The following LRRC4C variants were observed in gnomAD, a reference collection of about 807,000 sequenced individuals.
LRRC4C encodes the protein leucine rich repeat containing 4C.
A neutral mutation model predicts 33.6 loss-of-function variants in LRRC4C; 5 were observed. That is an observed-to-expected ratio of 0.15 (90% CI 0.08 to 0.31). The LOEUF (loss-of-function observed/expected upper bound fraction) is 0.31, where lower values mean the gene tolerates loss of function less well. LRRC4C is among the 10% of genes least tolerant of loss of function. LRRC4C has a pLI of 1.00. For synonymous variants in LRRC4C, 329 were observed against 302.0 expected, an observed-to-expected ratio of 1.09 and a Z score of -0.93; for missense variants, 560 against 796.7, an observed-to-expected ratio of 0.70 and a Z score of 3.58.
At chr11:40,475,074 C>G (rs959311321) in intron 3 of LRRC4C, among the ~76,000 whole-genome samples, 1 of 152,066 alleles carries the variant, frequency 6.6e-6, no homozygotes, top group African/African-American at 2.4e-5. Context: ...ACCAGAAATA[C>G]CATTTGATCC....
In LRRC4C at chr11:40,456,186, A is replaced by G. The variant is rs941900998; in HGVS notation, c.-269-136465T>C. 3.3e-5 allele frequency among the ~76,000 whole-genome samples: 5 copies of G among 152,288 alleles called. No individual in the cohort carries two copies. The East Asian group carries it at 7.7e-4, about 24-fold the overall frequency. On this transcript the variant is annotated intron_variant, in intron 3 of 6. Coordinates refer to ENST00000528697, the MANE Select transcript of LRRC4C (RefSeq NM_001258419.2). The stretch of plus-strand genomic sequence containing the variant: ...GTCCTCTTTAGCTCCTCTTTAGCAT[A>G]TCAGTCATCAACTAAGGATTTTGAG...
intron 3 of LRRC4C, among the ~76,000 whole-genome samples, chr11:40,380,268 A>C (rs1164158758): frequency 1.3e-5 from 2 of 152,150 alleles, no homozygotes; most frequent in African/African-American, 4.8e-5. Context: ...TCTAGACTGT[A>C]ATCAGGCAAG....
chr11:41,404,912 C>A (rs1427040909), intron 1 of LRRC4C, among the ~76,000 whole-genome samples: 1 of 152,008 alleles, frequency 6.6e-6, no homozygotes, highest in African/African-American at 2.4e-5. Context: ...TGGTAAACAA[C>A]CATTCAGATA....
intron 1 of LRRC4C, among the ~76,000 whole-genome samples, chr11:41,087,988 G>A (rs1357686781): frequency 2.3e-4 from 35 of 152,062 alleles, no homozygotes; most frequent in Non-Finnish European, 1.5e-5. Context: ...GTTAACGAAA[G>A]TATTCAGTCA....
chr11:40,787,716 T>C (rs1428263801), intron 2 of LRRC4C, among the ~76,000 whole-genome samples: 1 of 152,234 alleles, frequency 6.6e-6, no homozygotes, highest in Non-Finnish European at 1.5e-5. Flanking sequence ...AGGCACATAA[T>C]TTAAATATAT....
At chr11:41,384,316 T>A (rs1194160259) in intron 1 of LRRC4C, among the ~76,000 whole-genome samples, 1 of 151,948 alleles carries the variant, frequency 6.6e-6, no homozygotes, top group Non-Finnish European at 1.5e-5. Flanking sequence ...TTTAGTTGTA[T>A]TTTTATCTTA....
intron 3 of LRRC4C, among the ~76,000 whole-genome samples, chr11:40,320,275 G>T (rs925351548): frequency 2.0e-5 from 3 of 152,184 alleles, no homozygotes; most frequent in Non-Finnish European, 2.9e-5. Flanking sequence ...GGAGGCAGAG[G>T]TGGGTGGATC....
intron 1 of LRRC4C, among the ~76,000 whole-genome samples, chr11:40,989,429 A>ATATTCCCAC (rs1565276563): frequency 6.6e-6 from 1 of 152,172 alleles, no homozygotes; most frequent in East Asian, 1.9e-4. Context: ...GAAAATGCCT[A>ATATTCCCAC]TATTCCCACT....
At chr11:40,335,192 A>T (rs577688172) in intron 3 of LRRC4C, among the ~76,000 whole-genome samples, 1 of 152,298 alleles carries the variant, frequency 6.6e-6, no homozygotes, top group African/African-American at 2.4e-5. Context: ...ATGACCCTGT[A>T]CACAAAAGTC....
chr11:41,170,766 A>C (rs1944939350), intron 1 of LRRC4C, among the ~76,000 whole-genome samples: 1 of 152,214 alleles, frequency 6.6e-6, no homozygotes, highest in South Asian at 2.1e-4. Flanking sequence ...GGATCTAATT[A>C]AACTAAAGAG....
intron 3 of LRRC4C, among the ~76,000 whole-genome samples, chr11:40,368,755 C>A (rs1008417302): frequency 2.6e-5 from 4 of 152,088 alleles, no homozygotes; most frequent in Admixed American, 6.6e-5. Context: ...ATAAGTCCAC[C>A]TTTAGTAGTG....
At chr11:40,202,430 A>G (rs1052995211) in intron 5 of LRRC4C, among the ~76,000 whole-genome samples, 2 of 152,038 alleles carry the variant, frequency 1.3e-5, no homozygotes, top group African/African-American at 4.8e-5. Context: ...AAGCAGGGAG[A>G]GGAAAGCTGA....
chr11:40,981,584 C>A (rs1413238670), intron 1 of LRRC4C, among the ~76,000 whole-genome samples: 1 of 152,152 alleles, frequency 6.6e-6, no homozygotes, highest in African/African-American at 2.4e-5. Flanking sequence ...CAAAAGTTTT[C>A]CTGGGGCCGA....
chr11:40,140,131 A>AT (rs1857261543), intron 6 of LRRC4C, among the ~76,000 whole-genome samples: 1 of 152,178 alleles, frequency 6.6e-6, no homozygotes, highest in Non-Finnish European at 1.5e-5. Context: ...AATTATTTAT[A>AT]AAGGGCCAAC....
At chr11:40,801,259 A>T (rs1017960797) in intron 2 of LRRC4C, among the ~76,000 whole-genome samples, 2 of 152,166 alleles carry the variant, frequency 1.3e-5, no homozygotes, top group Admixed American at 1.3e-4. Flanking sequence ...TTTCCACAGG[A>T]ATCAAGCATG....
At chr11:41,061,889 A>G (rs1937798324) in intron 1 of LRRC4C, among the ~76,000 whole-genome samples, 1 of 151,424 alleles carries the variant, frequency 6.6e-6, no homozygotes, top group Non-Finnish European at 1.5e-5. Flanking sequence ...TATGGCACCT[A>G]CCCTTGGAAG....
intron 3 of LRRC4C, among the ~76,000 whole-genome samples, chr11:40,507,711 A>C (rs1955101298): frequency 6.6e-6 from 1 of 151,692 alleles, no homozygotes; most frequent in Admixed American, 6.6e-5. Flanking sequence ...GAAAAACATA[A>C]ATCTTCATTA....
chr11:40,387,348 C>T (rs1042093344), intron 3 of LRRC4C, among the ~76,000 whole-genome samples: 41 of 152,068 alleles, frequency 2.7e-4, no homozygotes, highest in African/African-American at 8.7e-4. Context: ...TAATTTGATT[C>T]AGATACCCAC....
intron 1 of LRRC4C, among the ~76,000 whole-genome samples, chr11:41,331,390 T>C (rs1389923319): frequency 6.6e-6 from 1 of 152,202 alleles, no homozygotes; most frequent in African/African-American, 2.4e-5. Flanking sequence ...ACTTGGCATC[T>C]GCCACCGACA....
Sources: gnomAD v4.1 joint callset for allele counts (sites outside exome capture counted in the v4.1 genomes callset) on GRCh38, gnomAD v4.1.1 for gene constraint, MANE v1.5 for transcripts, NCBI Gene and HGNC (gene_info 2026-07-23, HGNC 2026-07-21) for gene names.